The following FAM184A variants were observed in gnomAD, a reference collection of about 807,000 sequenced individuals.
FAM184A encodes the protein protein FAM184A.
A neutral mutation model predicts 143.8 loss-of-function variants in FAM184A; 99 were observed. That is an observed-to-expected ratio of 0.69 (90% CI 0.58 to 0.81). FAM184A has a LOEUF of 0.81. Among genes scored for constraint, FAM184A ranks in the 40% least tolerant of loss-of-function variants. FAM184A has a pLI of 0.00. For synonymous variants in FAM184A, 427 were observed against 446.4 expected, an observed-to-expected ratio of 0.96 and a Z score of 0.55; for missense variants, 1,217 against 1,310.5, an observed-to-expected ratio of 0.93 and a Z score of 1.10.
At chr6:118,982,170 C>T (rs60118519) in intron 9 of FAM184A, among the ~76,000 whole-genome samples, 26,155 of 151,948 alleles carry the variant, frequency 0.17, 2,476 homozygotes, top group African/African-American at 0.26. Context: ...CAGGATAAAA[C>T]GAATATTGAA....
chr6:119,024,877 C>A, intron 1 of FAM184A, 64 bp from the exon 2 acceptor site: 1 of 1,385,574 alleles, frequency 7.2e-7, no homozygotes, highest in Non-Finnish European at 9.8e-7. Flanking sequence ...AACTTGAAGT[C>A]AATTCTTTCA....
At chr6:118,960,252 C>T (rs1783276526) in intron 17 of FAM184A, 68 bp from the exon 18 acceptor site, 3 of 1,261,670 alleles carry the variant, frequency 2.4e-6, no homozygotes, top group Non-Finnish European at 3.4e-6. Context: ...GGCAAAAGCA[C>T]ATAAAACATC....
At chr6:118,974,275 T>C (rs796968006) in intron 14 of FAM184A, among the ~76,000 whole-genome samples, 153 bp downstream of exon 14, 9 of 152,134 alleles carry the variant, frequency 5.9e-5, no homozygotes, top group East Asian at 5.8e-4. Context: ...AAAGAACATA[T>C]AGCACTGCAA....
intron 1 of FAM184A, among the ~76,000 whole-genome samples, chr6:119,089,191 T>C (rs1788305560): frequency 6.9e-6 from 1 of 144,348 alleles, no homozygotes; most frequent in Non-Finnish European, 1.5e-5. Flanking sequence ...TCTCTCTTTA[T>C]TTATTTATTT....
At chr6:118,975,503 T>C (rs1224608524) in intron 12 of FAM184A, among the ~76,000 whole-genome samples, 1 of 152,218 alleles carries the variant, frequency 6.6e-6, no homozygotes, top group Admixed American at 6.5e-5. Context: ...TTATAATCAG[T>C]GGATTAGTTG....
chr6:118,961,240 ATTAT>A (rs1455854549), intron 17 of FAM184A, among the ~76,000 whole-genome samples: 2 of 151,696 alleles, frequency 1.3e-5, no homozygotes, highest in African/African-American at 4.8e-5. Context: ...AATTTTTAAA[ATTAT>A]TTATTTTTTC....
At chr6:119,028,427 A>C (rs1024727747) in intron 1 of FAM184A, among the ~76,000 whole-genome samples, 1 of 152,178 alleles carries the variant, frequency 6.6e-6, no homozygotes, top group African/African-American at 2.4e-5. Flanking sequence ...ATACAGTTGG[A>C]ACTTCCAGCC....
intron 10 of FAM184A, 91 bp downstream of exon 10, chr6:118,980,047 C>T: frequency 9.3e-7 from 1 of 1,074,220 alleles, no homozygotes; most frequent in Non-Finnish European, 1.3e-6. Flanking sequence ...GACCCTGTCT[C>T]AAAAAATAGA....
At chr6:119,068,948 A>C (rs1787577685) in intron 1 of FAM184A, 1 of 244,830 alleles carries the variant, frequency 4.1e-6, no homozygotes, top group Non-Finnish European at 9.3e-6. Flanking sequence ...CACATCTAAA[A>C]TTTGTCAGAA....
chr6:119,125,678 C>G (rs750507239), intron 1 of FAM184A, among the ~76,000 whole-genome samples: 2 of 152,164 alleles, frequency 1.3e-5, no homozygotes, highest in Non-Finnish European at 2.9e-5. Context: ...AACTTTGCAG[C>G]CACAACTGGC....
chr6:119,070,668 C>G lies in FAM184A; in HGVS notation c.159+7473G>C, dbSNP rs566975958. Among the ~76,000 whole-genome samples the G allele has an allele frequency of 1.5e-4, 22 of 151,540 alleles. No homozygotes were observed. In the East Asian group the frequency reaches 4.3e-3, roughly 29 times the overall value. Reference sequence around the variant, plus strand: ...TCTCAATGTTGCTGTTTTTATTTATCTATTTATCTAATCCTGAAATCAGTT... The same window carrying G: ...TCTCAATGTTGCTGTTTTTATTTATGTATTTATCTAATCCTGAAATCAGTT... On this transcript the variant is annotated intron_variant, in intron 1 of 17. Coordinates refer to ENST00000338891, the MANE Select transcript of FAM184A (RefSeq NM_024581.6).
Position 118,964,166 on chromosome 6 carries a change from A to G in FAM184A, c.3138+501T>C, listed in dbSNP as rs117778019. Among the ~76,000 whole-genome samples the G allele has an allele frequency of 7.4e-3, 1,128 of 152,270 alleles. 4 individuals carry two copies. Among genetic ancestry groups the G allele is most frequent in the Admixed American group, 0.011 (163 of 15,280 alleles). The stretch of plus-strand genomic sequence containing the variant: ...GCAGTGAGACCCCATCTCCAAAACA[A>G]AAACAAAAAACCAAACCAAACCAAA... On this transcript the variant is annotated intron_variant, in intron 16 of 17. Transcript: ENST00000338891.
chr6:119,142,508 G>T (rs926385583), intron 1 of FAM184A, among the ~76,000 whole-genome samples: 1 of 152,198 alleles, frequency 6.6e-6, no homozygotes, highest in Non-Finnish European at 1.5e-5. Flanking sequence ...CACAGTGAAT[G>T]CAGACCCAGT....
intron 1 of FAM184A, among the ~76,000 whole-genome samples, chr6:119,077,919 G>A (rs994682879): frequency 3.3e-5 from 5 of 152,270 alleles, no homozygotes; most frequent in African/African-American, 1.2e-4. Context: ...GGAGGTGCAA[G>A]TCCCTTACGC....
intron 9 of FAM184A, among the ~76,000 whole-genome samples, chr6:118,998,825 C>A (rs561412038): frequency 3.2e-4 from 48 of 152,296 alleles, no homozygotes; most frequent in African/African-American, 1.2e-3. Context: ...AGATCATGAG[C>A]GTACTAGAGG....
At chr6:119,020,935 C>T (rs1489841254) in intron 3 of FAM184A, among the ~76,000 whole-genome samples, 2 of 152,076 alleles carry the variant, frequency 1.3e-5, no homozygotes, top group African/African-American at 2.4e-5. Context: ...TCTTAAATGA[C>T]AGCAAAAAGC....
intron 1 of FAM184A, chr6:119,069,079 T>C (rs369578327): frequency 7.1e-5 from 26 of 366,566 alleles, no homozygotes; most frequent in Non-Finnish European, 6.0e-6. Flanking sequence ...CAACTGAGGT[T>C]CTTGCCATTG....
At chr6:119,066,670 A>G (rs896957037) in intron 1 of FAM184A, among the ~76,000 whole-genome samples, 3 of 152,260 alleles carry the variant, frequency 2.0e-5, no homozygotes, top group African/African-American at 4.8e-5. Flanking sequence ...GCTTGGCTCC[A>G]GATCAAATTG....
intron 1 of FAM184A, among the ~76,000 whole-genome samples, chr6:119,111,098 A>T (rs1163911606): frequency 6.6e-6 from 1 of 152,230 alleles, no homozygotes; most frequent in African/African-American, 2.4e-5. Flanking sequence ...CATTATTTAT[A>T]AAAGTCAAAG....
Sources: allele counts gnomAD v4.1 joint callset (sites outside exome capture counted in the v4.1 genomes callset), GRCh38; gene constraint gnomAD v4.1.1; transcripts MANE v1.5; gene names NCBI Gene and HGNC (gene_info 2026-07-23, HGNC 2026-07-21).